Variants in PCGF5 observed in about 807,000 individuals in gnomAD.
PCGF5 encodes the protein polycomb group RING finger protein 5.
In PCGF5, 9 loss-of-function variants were observed where a neutral mutation model predicts 44.3. The observed-to-expected ratio is 0.20, with a 90% CI of 0.12 to 0.35. The LOEUF (loss-of-function observed/expected upper bound fraction) is 0.35, where lower values mean the gene tolerates loss of function less well. PCGF5 is among the 10% of genes least tolerant of loss of function. The pLI is 1.00. For synonymous variants in PCGF5, 95 were observed against 102.5 expected, an observed-to-expected ratio of 0.93 and a Z score of 0.44; for missense variants, 146 against 305.3, an observed-to-expected ratio of 0.48 and a Z score of 3.89.
chr10:91,250,489 G>A (rs368387825), intron 5 of PCGF5, among the ~76,000 whole-genome samples: 2 of 137,216 alleles, frequency 1.5e-5, no homozygotes, highest in African/African-American at 5.8e-5. Flanking sequence ...GTATTTGTCT[G>A]GTTTTTTCTT....
chr10:91,204,314 T>C (rs1844302682), intron 1 of PCGF5, among the ~76,000 whole-genome samples: 1 of 141,812 alleles, frequency 7.1e-6, no homozygotes, highest in South Asian at 2.4e-4. Context: ...TAAACCTTAA[T>C]CTGAATTAAG....
At chr10:91,256,453 A>G (rs534350565) in intron 6 of PCGF5, among the ~76,000 whole-genome samples, 1 of 152,226 alleles carries the variant, frequency 6.6e-6, no homozygotes, top group Admixed American at 6.6e-5. Context: ...TGTAGACACC[A>G]TCAAGCTTAC....
At chr10:91,167,085 T>C (rs1393996781) in intron 1 of PCGF5, among the ~76,000 whole-genome samples, 1 of 152,186 alleles carries the variant, frequency 6.6e-6, no homozygotes, top group Non-Finnish European at 1.5e-5. Context: ...TTAAAGGTAA[T>C]TCATATATCC....
At chr10:91,172,413 C>A (rs1843625424) in intron 1 of PCGF5, among the ~76,000 whole-genome samples, 1 of 151,956 alleles carries the variant, frequency 6.6e-6, no homozygotes, top group African/African-American at 2.4e-5. Flanking sequence ...AATGAAACTC[C>A]CCTTCAGAGA....
chr10:91,230,574 A>G (rs940736640), intron 2 of PCGF5, among the ~76,000 whole-genome samples: 1 of 152,082 alleles, frequency 6.6e-6, no homozygotes, highest in Admixed American at 6.5e-5. Flanking sequence ...TTAATAGCAA[A>G]TGATCAATGT....
rs1434985505 is a variant in PCGF5 at position 91,182,946 on chromosome 10, T to C, written c.-184+19865T>C. On this transcript the variant is annotated intron_variant, in intron 1 of 9. Coordinates refer to the PCGF5 transcript ENST00000614189. ...TGGTTTTGAGTGAATTTCTTAGTCT[T>C]GAGTTCTAATTTGATTGTGCTGTGG... is the stretch of plus-strand genomic sequence containing the variant. 2.0e-5 allele frequency among the ~76,000 whole-genome samples: 3 copies of C among 152,360 alleles called. No individual in the cohort carries two copies. In the East Asian group the frequency reaches 5.8e-4, roughly 29 times the overall value.
At chr10:91,196,992 C>T (rs1401745944) in intron 1 of PCGF5, among the ~76,000 whole-genome samples, 1 of 152,040 alleles carries the variant, frequency 6.6e-6, no homozygotes, top group Non-Finnish European at 1.5e-5. Flanking sequence ...TGGAACCATT[C>T]AAATCTCTTT....
intron 3 of PCGF5, among the ~76,000 whole-genome samples, chr10:91,242,347 CT>C (rs1328234414): frequency 6.6e-6 from 1 of 151,740 alleles, no homozygotes. Flanking sequence ...AAATAAAAAA[CT>C]GTTAATATCC....
intron 2 of PCGF5, among the ~76,000 whole-genome samples, chr10:91,234,113 A>G (rs375880797): frequency 2.0e-4 from 31 of 152,190 alleles, no homozygotes; most frequent in African/African-American, 4.8e-4. Context: ...AGCAACAACA[A>G]ATGACCTTGT....
rs181386376 is a variant in PCGF5 at position 91,177,255 on chromosome 10, G to C, written c.-184+14174G>C. Among the ~76,000 whole-genome samples the C allele has an allele frequency of 6.6e-3, 984 of 149,756 alleles. 10 individuals are homozygous for C. The highest frequency in any genetic ancestry group is 0.023 in the African/African-American group (944 of 40,458). On this transcript the variant is annotated intron_variant, in intron 1 of 9. Coordinates refer to the PCGF5 transcript ENST00000614189. ...GAACAGCAAATGTTGCTGCCTGATC[G>C]TTCCTCTGGAAGTTTTGTCTCAGAG...
intron 3 of PCGF5, among the ~76,000 whole-genome samples, chr10:91,246,077 A>C (rs1027103557): frequency 6.6e-6 from 1 of 152,190 alleles, no homozygotes; most frequent in Non-Finnish European, 1.5e-5. Flanking sequence ...TCAAGGGTAC[A>C]TGTAAGGAAG....
chr10:91,274,689 A>C (rs1046851411), intron 9 of PCGF5, among the ~76,000 whole-genome samples: 1 of 152,244 alleles, frequency 6.6e-6, no homozygotes, highest in Admixed American at 6.5e-5. Flanking sequence ...AGCCAAGAGA[A>C]GCCCTCTTTG....
At chr10:91,195,485 T>TGCATATATATATATAGAG (rs1844116618) in intron 1 of PCGF5, among the ~76,000 whole-genome samples, 2 of 113,484 alleles carry the variant, frequency 1.8e-5, no homozygotes, top group Non-Finnish European at 3.6e-5. Context: ...TATATATATA[T>TGCATATATATATATAGAG]AGAGAGAGAG....
At chr10:91,163,616 C>G (rs180972007) in intron 1 of PCGF5, among the ~76,000 whole-genome samples, 1 of 152,088 alleles carries the variant, frequency 6.6e-6, no homozygotes, top group Admixed American at 6.5e-5. Context: ...TGGCTCGGGG[C>G]GCGAGCATCT....
intron 3 of PCGF5, among the ~76,000 whole-genome samples, chr10:91,244,763 G>A (rs1220074261): frequency 6.6e-6 from 1 of 151,972 alleles, no homozygotes; most frequent in Non-Finnish European, 1.5e-5. Flanking sequence ...TAGGATATGG[G>A]ATAAAGAAAA....
In PCGF5 at chr10:91,283,416, A is replaced by T. The variant is rs908084851; in HGVS notation, c.*5100A>T. On this transcript the variant is annotated 3_prime_UTR_variant, in exon 10 of 10. Transcript: ENST00000336126. Reference sequence around the variant, plus strand: ...TTAAATCTAGAATCAAGTGAAACAGATATGTTAAATACTGAGTCTAGTTTT... The same window carrying T: ...TTAAATCTAGAATCAAGTGAAACAGTTATGTTAAATACTGAGTCTAGTTTT... 1 of 152,196 alleles carries T rather than the reference A, an allele frequency of 6.6e-6. No individual in the cohort carries two copies. Among genetic ancestry groups the T allele is most frequent in the African/African-American group, 2.4e-5 (1 of 41,448 alleles). 9.4% of individuals were successfully genotyped at this position (152,196 alleles called of 1,614,324 possible).
At chr10:91,216,436 G>C (rs988040795), upstream of PCGF5, among the ~76,000 whole-genome samples, 1 of 152,144 alleles carries the variant, frequency 6.6e-6, no homozygotes, top group African/African-American at 2.4e-5. Context: ...AAGTGGGGGT[G>C]GGGAGGCTGT....
intron 6 of PCGF5, among the ~76,000 whole-genome samples, chr10:91,256,204 G>A (rs1207430207): frequency 6.6e-6 from 1 of 151,944 alleles, no homozygotes; most frequent in Non-Finnish European, 1.5e-5. Context: ...TAAAACCATG[G>A]TCTGGGCACT....
chr10:91,157,279 C>A, the PCGF5 span, among the ~76,000 whole-genome samples: 6 of 152,288 alleles, frequency 3.9e-5, 1 homozygote, highest in South Asian at 1.2e-3. Context: ...GAGGACATTG[C>A]AATTCATAGA....
Sources: allele counts gnomAD v4.1 joint callset (sites outside exome capture counted in the v4.1 genomes callset), GRCh38; gene constraint gnomAD v4.1.1; transcripts MANE v1.5; gene names NCBI Gene and HGNC (gene_info 2026-07-23, HGNC 2026-07-21).